Variants in PRR14L observed in about 807,000 individuals in gnomAD.
The protein encoded by PRR14L is protein PRR14L.
Under a neutral mutation model 155.0 loss-of-function variants are expected in PRR14L, and 80 were observed. That is an observed-to-expected ratio of 0.52 (90% CI 0.43 to 0.62). PRR14L has a LOEUF of 0.62. PRR14L is among the 20% of genes least tolerant of loss of function. PRR14L has a pLI of 0.00. For synonymous variants in PRR14L, 883 were observed against 916.0 expected (o/e 0.96, Z 0.65); for missense variants, 2,469 against 2,548.0 (o/e 0.97, Z 0.67).
intron 2 of PRR14L, among the ~76,000 whole-genome samples, chr22:31,734,796 C>T (rs1287735390): frequency 3.9e-5 from 6 of 152,324 alleles, no homozygotes; most frequent in African/African-American, 1.4e-4. Context: ...ACCTCTCACA[C>T]ACATGACAAC....
chr22:31,694,313 A>G (rs1018658382), intron 7 of PRR14L, among the ~76,000 whole-genome samples: 1 of 151,742 alleles, frequency 6.6e-6, no homozygotes, highest in Admixed American at 6.6e-5. Flanking sequence ...CAAGTGATCC[A>G]CCCATCTCAG....
chr22:31,709,458 G>A (rs954519590), intron 4 of PRR14L, among the ~76,000 whole-genome samples: 6 of 137,692 alleles, frequency 4.4e-5, no homozygotes, highest in Non-Finnish European at 1.6e-5. Flanking sequence ...GCTTCACCAC[G>A]TCGGTCAGGC....
chr22:31,698,687 G>A (rs1203824167), intron 7 of PRR14L, among the ~76,000 whole-genome samples: 3 of 151,996 alleles, frequency 2.0e-5, no homozygotes, highest in Non-Finnish European at 2.9e-5. Context: ...TTGGGAGGCC[G>A]AGGTGGGCGG....
At chr22:31,733,940 C>A (rs754828573) in intron 2 of PRR14L, among the ~76,000 whole-genome samples, 3 of 151,984 alleles carry the variant, frequency 2.0e-5, no homozygotes, top group East Asian at 1.9e-4. Flanking sequence ...CACAAACACA[C>A]ACACACACAG....
At chr22:31,695,079 T>TCAAAA (rs917823626) in intron 7 of PRR14L, among the ~76,000 whole-genome samples, 10 of 152,022 alleles carry the variant, frequency 6.6e-5, no homozygotes, top group Admixed American at 2.6e-4. Flanking sequence ...CCAGACTCCA[T>TCAAAA]CAAAACAAAA....
At chr22:31,749,793 T>C (rs1187791177) in intron 1 of PRR14L, among the ~76,000 whole-genome samples, 200 bp downstream of exon 1, 1 of 152,204 alleles carries the variant, frequency 6.6e-6, no homozygotes, top group African/African-American at 2.4e-5. Context: ...AAGCCGCTTT[T>C]CTCTAGCGAC....
chr22:31,698,209 G>C (rs2074544797), intron 7 of PRR14L, among the ~76,000 whole-genome samples: 1 of 151,952 alleles, frequency 6.6e-6, no homozygotes, highest in Admixed American at 6.6e-5. Context: ...ATTTTTAGTA[G>C]AGACAGGTTT....
In PRR14L at chr22:31,712,871, A is replaced by G. The variant is rs752519810; in HGVS notation, c.4968T>C (p.Tyr1656=). ...ATGAAAATCCGTCCAGGAGTCTTTTATATCTGAGGCGCTTGTAGCTTTTAG... is the reference window on the plus strand; with the variant it reads ...ATGAAAATCCGTCCAGGAGTCTTTTGTATCTGAGGCGCTTGTAGCTTTTAG... ...PMAKSYKRLR[Y]KRLLDGFSSS... The change falls in exon 4 of 9, where the codon TAT becomes TAC. Residue 1656 remains tyrosine (Y), a synonymous_variant. Coordinates refer to ENST00000327423, the MANE Select transcript of PRR14L (RefSeq NM_173566.3). 1.3e-6 allele frequency: 2 copies of G among 1,551,818 alleles called. No homozygotes were observed. Among genetic ancestry groups the G allele is most frequent in the Admixed American group, 2.0e-5 (1 of 50,976 alleles).
chr22:31,748,586 GTA>G (rs1461955511), intron 1 of PRR14L, among the ~76,000 whole-genome samples: 1 of 152,178 alleles, frequency 6.6e-6, no homozygotes, highest in Non-Finnish European at 1.5e-5. Flanking sequence ...CTCCTCAAAG[GTA>G]TAGAGTCTTC....
rs1017894504 is a variant in PRR14L, at chr22:31,714,341, T to C, written c.3498A>G (p.Lys1166=). ...MESVADHEPN[K]RILGRVNLSL... is the part of the protein sequence containing the mutation. Reference sequence around the variant, plus strand: ...ACAAATTTACTCTGCCCAATATTCTTTTATTTGGTTCATGATCTGCAACAG... The same window carrying C: ...ACAAATTTACTCTGCCCAATATTCTCTTATTTGGTTCATGATCTGCAACAG... Residue 1166 remains lysine, a synonymous_variant, in exon 4 of 9, where the codon AAA becomes AAG. Transcript: ENST00000327423. 1 of 1,551,694 alleles carries C rather than the reference T, an allele frequency of 6.4e-7. No individual in the cohort carries two copies. The highest frequency in any genetic ancestry group is 1.4e-5 in the African/African-American group (1 of 73,166).
Position 31,717,185 on chromosome 22 carries a change from G to A in PRR14L, c.654C>T (p.Gly218=), listed in dbSNP as rs1026804536. The change falls in exon 4 of 9, where the codon GGC becomes GGT. Residue 218 remains glycine (G), a synonymous_variant. Transcript: ENST00000327423. ...KTDNNEGHKN[G]NVSKDLSAGC... ...CAGCTGAGAGATCTTTACTCACATT[G>A]CCATTTTTGTGTCCTTCATTATTAT... is the stretch of plus-strand genomic sequence containing the variant. 9.7e-6 allele frequency: 15 copies of A among 1,552,208 alleles called. No homozygotes were observed. The African/African-American group carries it at 1.9e-4, about 20-fold the overall frequency.
intron 4 of PRR14L, among the ~76,000 whole-genome samples, chr22:31,710,011 G>T (rs1447197121): frequency 6.6e-6 from 1 of 151,986 alleles, no homozygotes; most frequent in East Asian, 1.9e-4. Flanking sequence ...TGTGATCCTG[G>T]CTCACTGCAA....
intron 2 of PRR14L, among the ~76,000 whole-genome samples, chr22:31,736,662 A>C (rs2074783398): frequency 6.6e-6 from 1 of 152,160 alleles, no homozygotes. Flanking sequence ...ATAAAGTTTT[A>C]TTGGAATACA....
At chr22:31,687,140 C>T (rs967415251) in intron 8 of PRR14L, among the ~76,000 whole-genome samples, 4 of 151,924 alleles carry the variant, frequency 2.6e-5, no homozygotes, top group Non-Finnish European at 5.9e-5. Context: ...CGGGTTCAAG[C>T]GGTTCTCCTG....
chr22:31,696,099 G>T (rs1282887297), intron 7 of PRR14L, among the ~76,000 whole-genome samples: 5 of 151,802 alleles, frequency 3.3e-5, no homozygotes, highest in Admixed American at 6.6e-5. Context: ...GGCTGTAGGA[G>T]AATCAACCAC....
intron 7 of PRR14L, among the ~76,000 whole-genome samples, chr22:31,688,959 C>A (rs1019741842): frequency 2.0e-5 from 3 of 151,720 alleles, no homozygotes; most frequent in Non-Finnish European, 2.9e-5. Context: ...TATACAGTAA[C>A]CCTGAGGTAC....
chr22:31,732,975 G>A (rs2074758208), intron 2 of PRR14L, among the ~76,000 whole-genome samples: 1 of 151,474 alleles, frequency 6.6e-6, no homozygotes, highest in Non-Finnish European at 1.5e-5. Context: ...TTGTTATACT[G>A]CTAGAAGTGT....
chr22:31,686,886 T>C (rs1353433760), intron 8 of PRR14L, among the ~76,000 whole-genome samples: 2 of 152,222 alleles, frequency 1.3e-5, no homozygotes, highest in Non-Finnish European at 1.5e-5. Flanking sequence ...GGGCATTTAA[T>C]AAATGTTCAC....
Position 31,685,618 on chromosome 22 carries a change from C to T in PRR14L, c.6365G>A (p.Arg2122Gln). Residue 2122 changes from arginine (R) to glutamine (Q), a missense_variant, in exon 9 of 9, where the codon CGA (arginine) becomes CAA (glutamine). By Grantham distance (43) the Arg-to-Gln change is conservative. Transcript: ENST00000327423. ...CTGTATCAAAAGAGCATCCAGCTCT[C>T]GACTCTGCACAGCTGCCTTCTGGGC... ...TRAQKAAVQS[R>Q]ELDALLIQKL... The T allele has an allele frequency of 1.3e-6, 2 of 1,551,846 alleles. No individual in the cohort carries two copies. The highest frequency in any genetic ancestry group is 1.2e-5 in the South Asian group (1 of 84,056).
Sources: allele counts gnomAD v4.1 joint callset (sites outside exome capture counted in the v4.1 genomes callset), GRCh38; gene constraint gnomAD v4.1.1; transcripts MANE v1.5; gene names NCBI Gene and HGNC (gene_info 2026-07-23, HGNC 2026-07-21).